Variants in LHFPL3 observed in about 807,000 individuals in gnomAD.
LHFPL3 encodes LHFPL tetraspan subfamily member 3.
Under a neutral mutation model 19.3 loss-of-function variants are expected in LHFPL3, and 5 were observed. That is an observed-to-expected ratio of 0.26 (90% CI 0.14 to 0.54). The LOEUF (loss-of-function observed/expected upper bound fraction) is 0.54. Ranked by LOEUF, LHFPL3 falls within the 20% of genes least tolerant of loss-of-function variation. The probability of loss-of-function intolerance (pLI) is 0.94; values close to 1 mark genes in which losing one functional copy is unlikely to be tolerated. For synonymous variants in LHFPL3, 133 were observed against 126.2 expected (o/e 1.05, Z -0.36); for missense variants, 249 against 307.4 (o/e 0.81, Z 1.42).
intron 1 of LHFPL3, among the ~76,000 whole-genome samples, chr7:104,575,749 T>G (rs1584412591): frequency 6.6e-6 from 1 of 151,842 alleles, no homozygotes; most frequent in Admixed American, 6.6e-5. Context: ...CGGGCTCAGG[T>G]GATCCTCCCA....
intron 1 of LHFPL3, among the ~76,000 whole-genome samples, chr7:104,429,778 G>T (rs1334843372): frequency 6.6e-6 from 1 of 152,112 alleles, no homozygotes; most frequent in Non-Finnish European, 1.5e-5. Flanking sequence ...ATGAAATTCT[G>T]TGTGTATATG....
At chr7:104,647,752 C>T (rs1791957584) in intron 1 of LHFPL3, among the ~76,000 whole-genome samples, 1 of 152,216 alleles carries the variant, frequency 6.6e-6, no homozygotes, top group African/African-American at 2.4e-5. Flanking sequence ...CGGTTCCTGC[C>T]ATCTCTTTTA....
At chr7:104,508,032 A>C (rs1480608660) in intron 1 of LHFPL3, among the ~76,000 whole-genome samples, 17 of 147,336 alleles carry the variant, frequency 1.2e-4, no homozygotes, top group South Asian at 6.7e-4. Flanking sequence ...TAGTTCAACC[A>C]TTGTGGAAGT....
chr7:104,714,775 T>G (rs1327002179), intron 1 of LHFPL3, among the ~76,000 whole-genome samples: 1 of 152,166 alleles, frequency 6.6e-6, no homozygotes, highest in African/African-American at 2.4e-5. Flanking sequence ...CAGAATTATA[T>G]TATAAGCCCT....
At chr7:104,739,946 T>C (rs1285366812) in intron 2 of LHFPL3, among the ~76,000 whole-genome samples, 1 of 152,226 alleles carries the variant, frequency 6.6e-6, no homozygotes, top group Non-Finnish European at 1.5e-5. Context: ...AAATCTCATC[T>C]TAAATTGTAA....
intron 2 of LHFPL3, among the ~76,000 whole-genome samples, chr7:104,749,009 T>C (rs1794104677): frequency 6.6e-6 from 1 of 152,266 alleles, no homozygotes; most frequent in South Asian, 2.1e-4. Context: ...ACTATTTAAG[T>C]CTGAGTTTCC....
intron 1 of LHFPL3, among the ~76,000 whole-genome samples, chr7:104,468,989 G>A (rs1268152320): frequency 6.6e-6 from 1 of 152,116 alleles, no homozygotes; most frequent in Non-Finnish European, 1.5e-5. Flanking sequence ...TTTAACCATT[G>A]AGGTGCTTTA....
intron 1 of LHFPL3, among the ~76,000 whole-genome samples, chr7:104,670,294 A>G (rs1039635837): frequency 3.3e-5 from 5 of 152,146 alleles, no homozygotes; most frequent in Admixed American, 3.3e-4. Context: ...GTAATAGGGG[A>G]AAATTGTGTG....
intron 1 of LHFPL3, among the ~76,000 whole-genome samples, chr7:104,523,694 C>T (rs1359919991): frequency 6.6e-6 from 1 of 152,048 alleles, no homozygotes; most frequent in African/African-American, 2.4e-5. Context: ...AGGTACCCTC[C>T]GAAATTGAAA....
At chr7:104,406,885 A>G (rs1584298135) in intron 1 of LHFPL3, among the ~76,000 whole-genome samples, 1 of 152,002 alleles carries the variant, frequency 6.6e-6, no homozygotes, top group Admixed American at 6.5e-5. Context: ...TGCATAGTCT[A>G]TCTTTCTGGA....
Position 104,548,164 on chromosome 7 carries a change from T to C in LHFPL3, c.446-188511T>C, listed in dbSNP as rs552202814. Reference sequence around the variant, plus strand: ...TGAAGCAAAATGTCTGAAACCAAAATTCTTTAACCATGAAATTTTCTTTCA... The same window carrying C: ...TGAAGCAAAATGTCTGAAACCAAAACTCTTTAACCATGAAATTTTCTTTCA... On this transcript the variant is annotated intron_variant, in intron 1 of 2. Transcript: ENST00000424859. 2.1e-4 allele frequency among the ~76,000 whole-genome samples: 32 copies of C among 152,316 alleles called. No individual in the cohort carries two copies. In the East Asian group the frequency reaches 6.0e-3, roughly 28 times the overall value.
At chr7:104,373,912 GCAAAAA>G (rs146308965) in intron 1 of LHFPL3, among the ~76,000 whole-genome samples, 3 of 149,700 alleles carry the variant, frequency 2.0e-5, no homozygotes, top group East Asian at 1.9e-4. Flanking sequence ...TCAAGATATG[GCAAAAA>G]CAAAAACAAA....
chr7:104,404,700 A>G (rs547478473), intron 1 of LHFPL3, among the ~76,000 whole-genome samples: 1 of 152,308 alleles, frequency 6.6e-6, no homozygotes, highest in Admixed American at 6.5e-5. Flanking sequence ...AGGAGGTAGA[A>G]TAACTGAGTT....
intron 2 of LHFPL3, among the ~76,000 whole-genome samples, chr7:104,829,360 AG>A (rs1234409020): frequency 1.3e-5 from 2 of 151,668 alleles, no homozygotes; most frequent in Non-Finnish European, 1.5e-5. Context: ...TTTAAGTTTT[AG>A]GGTACATGTG....
intron 1 of LHFPL3, among the ~76,000 whole-genome samples, chr7:104,455,479 G>T (rs534208991): frequency 1.3e-5 from 2 of 152,280 alleles, no homozygotes; most frequent in East Asian, 1.9e-4. Flanking sequence ...CCAGCACTTT[G>T]GGAGGCTGAG....
At chr7:104,710,387 A>G (rs567463606) in intron 1 of LHFPL3, among the ~76,000 whole-genome samples, 1 of 152,228 alleles carries the variant, frequency 6.6e-6, no homozygotes, top group South Asian at 2.1e-4. Context: ...TAGTTAGTTA[A>G]TTAATTTTGT....
chr7:104,767,909 A>T (rs537102789), intron 2 of LHFPL3, among the ~76,000 whole-genome samples: 1 of 152,334 alleles, frequency 6.6e-6, no homozygotes, highest in South Asian at 2.1e-4. Context: ...GAACAAAGGA[A>T]ATAAATGAAC....
intron 1 of LHFPL3, among the ~76,000 whole-genome samples, chr7:104,683,186 C>T (rs1280353272): frequency 6.6e-6 from 1 of 152,156 alleles, no homozygotes; most frequent in Non-Finnish European, 1.5e-5. Flanking sequence ...GACGAGGTTT[C>T]ACCATGTTGG....
intron 1 of LHFPL3, among the ~76,000 whole-genome samples, chr7:104,410,295 G>A (rs1272984599): frequency 6.6e-6 from 1 of 152,122 alleles, no homozygotes; most frequent in Admixed American, 6.5e-5. Flanking sequence ...ACCACATCCA[G>A]CTAATTTTTG....
Sources: gnomAD v4.1 joint callset for allele counts (sites outside exome capture counted in the v4.1 genomes callset) on GRCh38, gnomAD v4.1.1 for gene constraint, MANE v1.5 for transcripts, NCBI Gene and HGNC (gene_info 2026-07-23, HGNC 2026-07-21) for gene names.